APPL1: variants seen among roughly 807,000 people sequenced by gnomAD.
The protein encoded by APPL1 is adaptor protein, phosphotyrosine interacting with PH domain and leucine zipper 1.
In APPL1, 42 loss-of-function variants were observed where a neutral mutation model predicts 106.8. That is an observed-to-expected ratio of 0.39 (90% CI 0.31 to 0.51). APPL1 has a LOEUF of 0.51. Among genes scored for constraint, APPL1 ranks in the 20% least tolerant of loss-of-function variants. The pLI is 0.75. For missense variants in APPL1, 769 were observed against 858.2 expected (o/e 0.90, Z 1.30); for synonymous variants, 263 against 281.8 (o/e 0.93, Z 0.67).
chr3:57,264,374 T>G (rs537680170), intron 19 of APPL1, among the ~76,000 whole-genome samples: 30 of 152,048 alleles, frequency 2.0e-4, no homozygotes, highest in African/African-American at 6.3e-4. Context: ...GTGCAGAAAC[T>G]TTTTAACTTG....
At position 57,271,799 on chromosome 3, in the gene APPL1, C is replaced by CCAT. The variant is rs775973226; in HGVS notation, c.*2117_*2119dup. ...CACAGGAATTTCTACAATAATAAACCCATCATCTCCATAGGTCAGATCGAA... is the reference window on the plus strand; with the variant it reads ...CACAGGAATTTCTACAATAATAAACCCATCATCATCTCCATAGGTCAGATCGAA... On this transcript the variant is annotated 3_prime_UTR_variant, in exon 22 of 22. Coordinates refer to ENST00000288266, the MANE Select transcript of APPL1 (RefSeq NM_012096.3). 6.6e-6 allele frequency: 1 copy of CCAT among 152,146 alleles called. No homozygotes were observed. Among genetic ancestry groups the CCAT allele is most frequent in the African/African-American group, 2.4e-5 (1 of 41,418 alleles). 9.4% of individuals were successfully genotyped at this position (152,146 alleles called of 1,614,324 possible). A position where few individuals can be genotyped will look rare whatever the true frequency, so the allele number is the denominator to read the frequency against.
chr3:57,227,729 G>T lies in APPL1; in HGVS notation c.-155G>T, dbSNP rs908576182. ...GGAGGCCGAGGGGGCGGGATTTCCC[G>T]CACGGCCGCTCGGCGCCTGGAGAAG... On this transcript the variant is annotated 5_prime_UTR_variant, in exon 1 of 22. Coordinates refer to ENST00000288266, the MANE Select transcript of APPL1 (RefSeq NM_012096.3). 6.9e-6 allele frequency: 4 copies of T among 578,522 alleles called. No individual in the cohort carries two copies. The highest frequency in any genetic ancestry group is 4.6e-5 in the Admixed American group (1 of 21,900). The allele number at this position is 578,522 out of a possible 1,614,324, so 35.8% of individuals were successfully genotyped here.
At chr3:57,234,624 CT>C (rs2060706501) in intron 1 of APPL1, among the ~76,000 whole-genome samples, 1 of 151,430 alleles carries the variant, frequency 6.6e-6, no homozygotes, top group African/African-American at 2.4e-5. Flanking sequence ...TACTTATAAG[CT>C]TTCCCCCTTA....
intron 6 of APPL1, 123 bp downstream of exon 6, chr3:57,242,265 T>G (rs1579386049): frequency 2.9e-6 from 2 of 684,698 alleles, no homozygotes; most frequent in East Asian, 2.9e-5. Flanking sequence ...GAACATTACT[T>G]AAATCAGTAT....
rs1000227102 is a variant in APPL1, at chr3:57,228,728, A to G, written c.54+791A>G. On this transcript the variant is annotated intron_variant, in intron 1 of 21. Coordinates refer to ENST00000288266, the MANE Select transcript of APPL1 (RefSeq NM_012096.3). The surrounding 1 kb of genome is among the most constrained non-coding windows in gnomAD (Gnocchi z 4.6). ...AGTACTGCAGAATGAAAGCAGCTATATTTTTTAAAATGTTGGCAGGGGCTG... is the reference window on the plus strand; with the variant it reads ...AGTACTGCAGAATGAAAGCAGCTATGTTTTTTAAAATGTTGGCAGGGGCTG... Among the ~76,000 whole-genome samples the G allele has an allele frequency of 3.9e-5, 6 of 152,236 alleles. No homozygotes were observed. The highest frequency in any genetic ancestry group is 8.8e-5 in the Non-Finnish European group (6 of 68,044).
intron 3 of APPL1, 75 bp downstream of exon 3, chr3:57,237,626 C>A: frequency 2.8e-6 from 3 of 1,077,132 alleles, no homozygotes; most frequent in Non-Finnish European, 4.0e-6. Flanking sequence ...CAACAAGAAT[C>A]CTTAAGTTTT....
intron 1 of APPL1, among the ~76,000 whole-genome samples, 165 bp from the exon 2 acceptor site, chr3:57,235,398 CAAA>C (rs200835898): frequency 5.0e-5 from 7 of 139,156 alleles, no homozygotes; most frequent in African/African-American, 1.8e-4. Flanking sequence ...AAACTAAGAA[CAAA>C]AAAAAAAGAC....
In APPL1 at chr3:57,269,615, T is replaced by A; in HGVS notation, c.2058T>A (p.Val686=). 1.2e-6 allele frequency: 2 copies of A among 1,614,126 alleles called. No homozygotes were observed. The highest frequency in any genetic ancestry group is 1.7e-6 in the Non-Finnish European group (2 of 1,180,018). Residue 686 remains valine (V), a synonymous_variant, in exon 22 of 22, where the codon GTT becomes GTA. Coordinates refer to ENST00000288266, the MANE Select transcript of APPL1 (RefSeq NM_012096.3). ...AAGCCAGTAGTGAGGGGCAGTTTGT[T>A]GTCCTTAGCAGTAGCCAGTCAGAAG... ...PNQASSEGQF[V]VLSSSQSEES...
intron 19 of APPL1, among the ~76,000 whole-genome samples, chr3:57,265,285 AT>A (rs1170734936): frequency 6.6e-6 from 1 of 151,960 alleles, no homozygotes; most frequent in African/African-American, 2.4e-5. Context: ...GGTACCTGGG[AT>A]TACAGGTATG....
At chr3:57,236,856 A>G (rs536459365) in intron 2 of APPL1, among the ~76,000 whole-genome samples, 4 of 152,224 alleles carry the variant, frequency 2.6e-5, no homozygotes, top group Non-Finnish European at 5.9e-5. Context: ...AATTAAGCGT[A>G]CAAGTTTTAT....
At chr3:57,231,041 A>G (rs1338569471) in intron 1 of APPL1, among the ~76,000 whole-genome samples, 2 of 151,892 alleles carry the variant, frequency 1.3e-5, no homozygotes, top group Non-Finnish European at 2.9e-5. Flanking sequence ...CAACTAATCT[A>G]AAAATTTTTT....
Position 57,271,428 on chromosome 3 carries a change from A to G in APPL1, c.*1741A>G, listed in dbSNP as rs1352011738. 6.6e-6 allele frequency: 1 copy of G among 152,608 alleles called. No individual in the cohort carries two copies. Among genetic ancestry groups the G allele is most frequent in the Non-Finnish European group, 1.5e-5 (1 of 68,036 alleles). 9.5% of individuals were successfully genotyped at this position (152,608 alleles called of 1,614,324 possible). A position where few individuals can be genotyped will look rare whatever the true frequency, so the allele number is the denominator to read the frequency against. ...GCTTACCAAAAGGAATGCTTTCACA[A>G]TAGTGTATCAGTTCTTTTGTTTTGT... On this transcript the variant is annotated 3_prime_UTR_variant, in exon 22 of 22. Coordinates refer to ENST00000288266, the MANE Select transcript of APPL1 (RefSeq NM_012096.3).
At chr3:57,239,538 T>TA (rs1426769360) in intron 4 of APPL1, among the ~76,000 whole-genome samples, 3 of 152,242 alleles carry the variant, frequency 2.0e-5, no homozygotes, top group Non-Finnish European at 4.4e-5. Flanking sequence ...TCTCTTTATA[T>TA]ATCTGTGTAT....
rs182931883 is a variant in APPL1, at chr3:57,245,911, G to A, written c.475-165G>A. Among the ~76,000 whole-genome samples the A allele has an allele frequency of 2.0e-5, 3 of 152,270 alleles. No homozygotes were observed. In the East Asian group the frequency reaches 5.8e-4, roughly 29 times the overall value. ...GGAAAATTTGCTTAACCAGTATGTT[G>A]AAGGATTTCTAAAAGATCAGAAAAC... On this transcript the variant is annotated intron_variant, in intron 7 of 21. Transcript: ENST00000288266.
chr3:57,242,217 C>T, intron 6 of APPL1, 75 bp downstream of exon 6: 6 of 1,136,084 alleles, frequency 5.3e-6, no homozygotes, highest in Non-Finnish European at 5.0e-6. Context: ...TGGCCAGATT[C>T]TTTGTAATAA....
Position 57,269,752 on chromosome 3 carries a change from G to A in APPL1, c.*65G>A. 3.9e-6 allele frequency: 6 copies of A among 1,538,732 alleles called. No individual in the cohort carries two copies. Among genetic ancestry groups the A allele is most frequent in the Non-Finnish European group, 5.4e-6 (6 of 1,117,972 alleles). ...AGTTTCTATGGTGAAATGGCAGAAG[G>A]TAACAACTATGTTGAAATATCAAGG... is the stretch of plus-strand genomic sequence containing the variant. On this transcript the variant is annotated 3_prime_UTR_variant, in exon 22 of 22. Transcript: ENST00000288266.
chr3:57,247,340 G>A, intron 8 of APPL1, 55 bp from the exon 9 acceptor site: 1 of 963,448 alleles, frequency 1.0e-6, no homozygotes, highest in Non-Finnish European at 1.6e-6. Context: ...TTTACTTTAA[G>A]TATTGCTTAA....
In APPL1 at chr3:57,260,649, T is replaced by C. The variant is rs756424046; in HGVS notation, c.1717T>C (p.Leu573=). 6.2e-7 allele frequency: 1 copy of C among 1,610,886 alleles called. No homozygotes were observed. Among genetic ancestry groups the C allele is most frequent in the South Asian group, 1.1e-5 (1 of 90,658 alleles). Residue 573 remains leucine, a synonymous_variant, in exon 19 of 22, where the codon TTG becomes CTG. Coordinates refer to ENST00000288266, the MANE Select transcript of APPL1 (RefSeq NM_012096.3). ...GCAGTTTCCATTACCTTGTGTAGTT[T>C]TGTATGCTACACACCAGGAAAATAA... The part of the protein sequence containing the change: ...RLTFPLPCVV[L]YATHQENKRL...
At chr3:57,256,886 CAG>C (rs1225194797) in intron 13 of APPL1, 69 bp from the exon 14 acceptor site, 1 of 1,188,196 alleles carries the variant, frequency 8.4e-7, no homozygotes, top group African/African-American at 1.5e-5. Flanking sequence ...TCTAACAATT[CAG>C]AGTTACATTC....
Sources: allele counts gnomAD v4.1 joint callset (sites outside exome capture counted in the v4.1 genomes callset), GRCh38; gene constraint gnomAD v4.1.1; non-coding constraint Gnocchi (gnomAD v3.1); transcripts MANE v1.5; gene names NCBI Gene and HGNC (gene_info 2026-07-23, HGNC 2026-07-21).